The following PREX2 variants were observed in gnomAD, a reference collection of about 807,000 sequenced individuals.
PREX2 encodes the protein phosphatidylinositol-3,4,5-trisphosphate dependent Rac exchange factor 2, also known as phosphatidylinositol 3,4,5-trisphosphate-dependent Rac exchanger 2 protein.
Under a neutral mutation model 203.2 loss-of-function variants are expected in PREX2, and 107 were observed. That is an observed-to-expected ratio of 0.53 (90% CI 0.45 to 0.62). The LOEUF (loss-of-function observed/expected upper bound fraction) is 0.62. Among genes scored for constraint, PREX2 ranks in the 20% least tolerant of loss-of-function variants. PREX2 has a pLI of 0.00. For missense variants in PREX2, 1,777 were observed against 1,955.9 expected, an observed-to-expected ratio of 0.91 and a Z score of 1.72; for synonymous variants, 672 against 663.6, an observed-to-expected ratio of 1.01 and a Z score of -0.19.
chr8:67,953,109 C>A (rs948497754), intron 1 of PREX2, among the ~76,000 whole-genome samples: 1 of 152,010 alleles, frequency 6.6e-6, no homozygotes, highest in African/African-American at 2.4e-5. Flanking sequence ...GTGATGATCT[C>A]TAGCAGCTGT....
chr8:68,161,329 G>A (rs1236653102), intron 35 of PREX2, among the ~76,000 whole-genome samples: 4 of 151,820 alleles, frequency 2.6e-5, no homozygotes, highest in Admixed American at 1.3e-4. Context: ...TCCTGACCTC[G>A]TGATCTGCCC....
At chr8:68,086,466 T>G (rs1015641246) in intron 18 of PREX2, among the ~76,000 whole-genome samples, 1 of 152,208 alleles carries the variant, frequency 6.6e-6, no homozygotes, top group African/African-American at 2.4e-5. Flanking sequence ...GACATTTGCT[T>G]TGTGATTAAC....
Position 68,157,420 on chromosome 8 carries a change from T to G in PREX2, c.4330T>G (p.Tyr1444Asp). Residue 1444 changes from tyrosine to aspartate, a missense_variant, in exon 35 of 40, where the codon TAC (tyrosine) becomes GAC (aspartate). Transcript: ENST00000288368. ...NAASLEKVKQ[Y>D]NQKLRAFYLD... Reference sequence around the variant, plus strand: ...AGCCTCACTGGAAAAGGTCAAACAGTACAACCAGAAGCTCAGGTATGTAAC... The same window carrying G: ...AGCCTCACTGGAAAAGGTCAAACAGGACAACCAGAAGCTCAGGTATGTAAC... 1 of 1,604,292 alleles carries G rather than the reference T, an allele frequency of 6.2e-7. No homozygotes were observed. The highest frequency in any genetic ancestry group is 8.5e-7 in the Non-Finnish European group (1 of 1,171,522).
chr8:67,994,422 G>A (rs141722832), intron 1 of PREX2, among the ~76,000 whole-genome samples: 2 of 152,308 alleles, frequency 1.3e-5, no homozygotes, highest in Middle Eastern at 3.4e-3. Context: ...TAACTTTGGG[G>A]ATAGAGAAGA....
At chr8:68,112,424 C>T (rs76709568) in intron 25 of PREX2, among the ~76,000 whole-genome samples, 3,876 of 152,168 alleles carry the variant, frequency 0.025, 169 homozygotes, top group African/African-American at 0.088. Flanking sequence ...AGGTGCCAGA[C>T]GCCTCAGGAT....
At chr8:68,089,472 A>G (rs1454506651) in intron 19 of PREX2, among the ~76,000 whole-genome samples, 2 of 152,186 alleles carry the variant, frequency 1.3e-5, no homozygotes, top group Admixed American at 6.5e-5. Flanking sequence ...AGTTGGCTCT[A>G]TTCAACTCTC....
chr8:68,060,361 G>A (rs1808810747), intron 10 of PREX2, among the ~76,000 whole-genome samples: 1 of 152,108 alleles, frequency 6.6e-6, no homozygotes, highest in African/African-American at 2.4e-5. Flanking sequence ...TTGCCTTTAT[G>A]TTAATGGTAA....
intron 1 of PREX2, among the ~76,000 whole-genome samples, chr8:67,975,284 T>G (rs1269562743): frequency 6.8e-6 from 1 of 146,476 alleles, no homozygotes; most frequent in African/African-American, 2.6e-5. Flanking sequence ...TTTTTTTTTT[T>G]TTTTTTTTTT....
At chr8:67,954,875 A>G (rs764599009) in intron 1 of PREX2, among the ~76,000 whole-genome samples, 1 of 152,154 alleles carries the variant, frequency 6.6e-6, no homozygotes, top group African/African-American at 2.4e-5. Context: ...CTAGCTTTAT[A>G]AAAAGATCAT....
In PREX2 at chr8:68,236,000, T is replaced by C. The variant is rs1369330649; in HGVS notation, c.*4622T>C. On this transcript the variant is annotated 3_prime_UTR_variant, in exon 40 of 40. Coordinates refer to ENST00000288368, the MANE Select transcript of PREX2 (RefSeq NM_024870.4). ...ATATATATGTGTATGTATATGCCTA[T>C]ATATATTATTATATTTACTAGTGTT... is the stretch of plus-strand genomic sequence containing the variant. The C allele has an allele frequency of 6.6e-6, 1 of 152,308 alleles. No homozygotes were observed. The highest frequency in any genetic ancestry group is 2.1e-4 in the South Asian group (1 of 4,828). The allele number at this position is 152,308 out of a possible 1,614,324, so 9.4% of individuals were successfully genotyped here.
intron 35 of PREX2, among the ~76,000 whole-genome samples, chr8:68,183,139 T>C (rs1339913806): frequency 6.6e-6 from 1 of 152,076 alleles, no homozygotes; most frequent in Non-Finnish European, 1.5e-5. Flanking sequence ...ATTTAAATGA[T>C]ATTAAAGCAA....
At position 68,149,841 on chromosome 8, in the gene PREX2, C is replaced by G. The variant is rs140604919; in HGVS notation, c.4231+3489C>G. ...AGTCCACCAAAAGTGAGAAACCACT[C>G]TAGGTCTGTGTGGATTATGAAACGC... is the stretch of plus-strand genomic sequence containing the variant. On this transcript the variant is annotated intron_variant, in intron 34 of 39. Coordinates refer to ENST00000288368, the MANE Select transcript of PREX2 (RefSeq NM_024870.4). 4.4e-4 allele frequency among the ~76,000 whole-genome samples: 67 copies of G among 152,302 alleles called. 1 individual carries two copies. The highest frequency in any genetic ancestry group is 1.6e-3 in the African/African-American group (66 of 41,560).
At chr8:68,101,469 C>T (rs370624255) in intron 23 of PREX2, 118 of 518,770 alleles carry the variant, frequency 2.3e-4, no homozygotes, top group African/African-American at 2.0e-3. Context: ...CTTTTCATGA[C>T]TGCTGAGTTC....
chr8:68,180,488 A>G (rs1812062746), intron 35 of PREX2, among the ~76,000 whole-genome samples: 1 of 152,108 alleles, frequency 6.6e-6, no homozygotes, highest in African/African-American at 2.4e-5. Flanking sequence ...TTATGAGTTT[A>G]CAGATTTGGG....
At chr8:68,110,362 A>G (rs1164578979) in intron 25 of PREX2, among the ~76,000 whole-genome samples, 1 of 152,232 alleles carries the variant, frequency 6.6e-6, no homozygotes, top group African/African-American at 2.4e-5. Flanking sequence ...TTTCTCATCT[A>G]CAGAAGTGAC....
intron 1 of PREX2, among the ~76,000 whole-genome samples, chr8:68,014,452 G>GGC (rs1003874031): frequency 2.0e-5 from 3 of 152,102 alleles, no homozygotes; most frequent in African/African-American, 7.2e-5. Context: ...GGGTGCGGGG[G>GGC]GGGCGGCATA....
chr8:68,055,412 C>T (rs1235893537), intron 9 of PREX2, among the ~76,000 whole-genome samples: 5 of 152,092 alleles, frequency 3.3e-5, no homozygotes, highest in Non-Finnish European at 7.4e-5. Context: ...CTTAACATTT[C>T]TCAGGGAGAG....
At chr8:68,181,785 A>G (rs1381418263) in intron 35 of PREX2, among the ~76,000 whole-genome samples, 1 of 152,126 alleles carries the variant, frequency 6.6e-6, no homozygotes, top group Non-Finnish European at 1.5e-5. Context: ...TTAATTATAC[A>G]TTTATTTATT....
intron 17 of PREX2, among the ~76,000 whole-genome samples, chr8:68,081,096 T>G (rs2129611915): frequency 6.6e-6 from 1 of 152,070 alleles, no homozygotes; most frequent in East Asian, 1.9e-4. Context: ...CCCAACCTTC[T>G]TGGTACCAGG....
Sources: allele counts gnomAD v4.1 joint callset (sites outside exome capture counted in the v4.1 genomes callset), GRCh38; gene constraint gnomAD v4.1.1; transcripts MANE v1.5; gene names NCBI Gene and HGNC (gene_info 2026-07-23, HGNC 2026-07-21).